Variants in BMPER observed in about 807,000 individuals in gnomAD.
The protein encoded by BMPER is BMP binding endothelial regulator, also known as BMP-binding endothelial regulator protein.
A neutral mutation model predicts 87.3 loss-of-function variants in BMPER; 45 were observed. The ratio of observed to expected loss-of-function variants is 0.52; its 90% CI spans 0.41 to 0.66. BMPER has a LOEUF of 0.66. BMPER is among the 30% of genes least tolerant of loss of function. The probability of loss-of-function intolerance (pLI) is 0.00; values close to 1 mark genes in which losing one functional copy is unlikely to be tolerated. For synonymous variants in BMPER, 326 were observed against 316.2 expected (o/e 1.03, Z -0.33); for missense variants, 784 against 867.5 (o/e 0.90, Z 1.21).
At chr7:34,099,127 G>A (rs978366402) in intron 13 of BMPER, among the ~76,000 whole-genome samples, 2 of 152,220 alleles carry the variant, frequency 1.3e-5, no homozygotes, top group South Asian at 4.1e-4. Context: ...CCTGGCAGCA[G>A]CTAAGGGCTT....
At chr7:34,107,349 A>G (rs1217903385) in intron 13 of BMPER, among the ~76,000 whole-genome samples, 1 of 152,198 alleles carries the variant, frequency 6.6e-6, no homozygotes, top group Admixed American at 6.5e-5. Flanking sequence ...GGGAGATGCC[A>G]ATTTGGATGA....
intron 6 of BMPER, among the ~76,000 whole-genome samples, chr7:34,025,118 T>C (rs890240776): frequency 1.3e-5 from 2 of 152,142 alleles, no homozygotes; most frequent in African/African-American, 4.8e-5. Context: ...AGTCATGTAA[T>C]TGCTGTTTAT....
At chr7:34,120,477 C>G (rs1034952594) in intron 13 of BMPER, among the ~76,000 whole-genome samples, 1 of 152,190 alleles carries the variant, frequency 6.6e-6, no homozygotes, top group African/African-American at 2.4e-5. Context: ...TGGCTCACCG[C>G]AAGCTCCTCC....
chr7:34,034,932 A>G (rs1446552564), intron 6 of BMPER, among the ~76,000 whole-genome samples: 1 of 152,090 alleles, frequency 6.6e-6, no homozygotes, highest in Admixed American at 6.6e-5. Flanking sequence ...CTTTCACTGG[A>G]CCTGCCCAGA....
intron 6 of BMPER, among the ~76,000 whole-genome samples, chr7:33,982,914 T>C (rs936539627): frequency 6.6e-6 from 1 of 152,182 alleles, no homozygotes; most frequent in East Asian, 1.9e-4. Context: ...TTAGAGGATC[T>C]GGCTTAAGAG....
At chr7:34,027,556 C>G (rs1026070833) in intron 6 of BMPER, among the ~76,000 whole-genome samples, 3 of 152,020 alleles carry the variant, frequency 2.0e-5, no homozygotes, top group Non-Finnish European at 4.4e-5. Context: ...AGGAAAAACA[C>G]TTATGTGTTT....
intron 9 of BMPER, among the ~76,000 whole-genome samples, chr7:34,056,761 G>T (rs1788296545): frequency 6.6e-6 from 1 of 152,070 alleles, no homozygotes; most frequent in Non-Finnish European, 1.5e-5. Flanking sequence ...GGGATTACAG[G>T]TGCATGCCAC....
chr7:34,083,162 A>T (rs1049379915), intron 12 of BMPER, among the ~76,000 whole-genome samples: 10 of 152,232 alleles, frequency 6.6e-5, no homozygotes, highest in East Asian at 3.9e-4. Context: ...TTTACTGAGT[A>T]CGTACTATGT....
intron 5 of BMPER, among the ~76,000 whole-genome samples, chr7:33,970,671 A>T (rs913912788): frequency 4.6e-5 from 7 of 152,288 alleles, no homozygotes; most frequent in Admixed American, 1.3e-4. Context: ...CCACAGGGCC[A>T]CAGGTAATGC....
chr7:33,962,351 A>G (rs1785293399), intron 3 of BMPER, among the ~76,000 whole-genome samples: 1 of 152,206 alleles, frequency 6.6e-6, no homozygotes, highest in African/African-American at 2.4e-5. Flanking sequence ...TACAAAAGAA[A>G]AGTGTAGCTG....
At chr7:34,056,176 G>A (rs1788279427) in intron 9 of BMPER, among the ~76,000 whole-genome samples, 1 of 152,144 alleles carries the variant, frequency 6.6e-6, no homozygotes, top group South Asian at 2.1e-4. Flanking sequence ...CTTATAAGTG[G>A]GAGCCAAATG....
intron 11 of BMPER, among the ~76,000 whole-genome samples, chr7:34,068,040 A>G (rs1788638503): frequency 6.6e-6 from 1 of 151,690 alleles, no homozygotes; most frequent in Non-Finnish European, 1.5e-5. Flanking sequence ...ACAGATAACA[A>G]TAATAGCAAT....
chr7:33,999,812 A>C (rs1355899319), intron 6 of BMPER, among the ~76,000 whole-genome samples: 1 of 152,236 alleles, frequency 6.6e-6, no homozygotes, highest in Non-Finnish European at 1.5e-5. Context: ...CATAGAGAGC[A>C]CATCTTATCC....
intron 6 of BMPER, among the ~76,000 whole-genome samples, chr7:33,999,012 G>T (rs1217857919): frequency 6.6e-6 from 1 of 152,198 alleles, no homozygotes; most frequent in African/African-American, 2.4e-5. Flanking sequence ...TTTCTTCCCT[G>T]CCCGCCTGCT....
At chr7:34,055,412 C>T in intron 9 of BMPER, 109 bp downstream of exon 9, 2 of 1,333,634 alleles carry the variant, frequency 1.5e-6, no homozygotes, top group African/African-American at 2.9e-5. Flanking sequence ...TATACATATA[C>T]AAATGTATAT....
chr7:34,024,550 G>T (rs189840402), intron 6 of BMPER, among the ~76,000 whole-genome samples: 6 of 148,484 alleles, frequency 4.0e-5, no homozygotes, highest in South Asian at 2.1e-4. Context: ...TTCCTCATAG[G>T]TGACCAATTC....
rs796672436 is a variant in BMPER at position 34,155,479 on chromosome 7, C to T, written c.*2206C>T. The T allele has an allele frequency of 2.6e-4, 40 of 152,154 alleles. No individual in the cohort carries two copies. The highest frequency in any genetic ancestry group is 7.7e-4 in the African/African-American group (32 of 41,436). The allele number at this position is 152,154 out of a possible 1,614,324, so 9.4% of individuals were successfully genotyped here. ...ATGATGAAAGCTCTTCTGCATGAGCCGGTTTCATCATCTTGGGTGGGTTGA... is the reference window on the plus strand; with the variant it reads ...ATGATGAAAGCTCTTCTGCATGAGCTGGTTTCATCATCTTGGGTGGGTTGA... On this transcript the variant is annotated 3_prime_UTR_variant, in exon 15 of 15. Coordinates refer to ENST00000649409, the MANE Select transcript of BMPER (RefSeq NM_001365308.1).
At chr7:34,150,584 T>C (rs769809817) in intron 14 of BMPER, among the ~76,000 whole-genome samples, 1 of 152,040 alleles carries the variant, frequency 6.6e-6, no homozygotes, top group Non-Finnish European at 1.5e-5. Flanking sequence ...GCAAATGCAA[T>C]GTATAGGGTA....
chr7:34,151,859 A>G (rs756019568), intron 14 of BMPER, among the ~76,000 whole-genome samples: 36 of 152,226 alleles, frequency 2.4e-4, no homozygotes, highest in Non-Finnish European at 4.7e-4. Context: ...TGGTTTTTGA[A>G]TAGTAAGAGC....
Sources: allele counts gnomAD v4.1 joint callset (sites outside exome capture counted in the v4.1 genomes callset), GRCh38; gene constraint gnomAD v4.1.1; transcripts MANE v1.5; gene names NCBI Gene and HGNC (gene_info 2026-07-23, HGNC 2026-07-21).